Variants in ADGRB1 observed in about 807,000 individuals in gnomAD.
ADGRB1 encodes the protein brain-specific angiogenesis inhibitor 1.
In ADGRB1, 36 loss-of-function variants were observed where a neutral mutation model predicts 175.7. The observed-to-expected ratio is 0.20, with a 90% CI of 0.16 to 0.27. ADGRB1 has a LOEUF of 0.27. Ranked by LOEUF, ADGRB1 falls within the 10% of genes least tolerant of loss-of-function variation. ADGRB1 has a pLI of 1.00. For missense variants in ADGRB1, 1,731 were observed against 2,255.3 expected, an observed-to-expected ratio of 0.77 and a Z score of 4.71; for synonymous variants, 1,054 against 979.4, an observed-to-expected ratio of 1.08 and a Z score of -1.42.
chr8:142,517,456 G>A (rs1327615773), intron 18 of ADGRB1, among the ~76,000 whole-genome samples: 1 of 152,218 alleles, frequency 6.6e-6, no homozygotes, highest in African/African-American at 2.4e-5. Flanking sequence ...TGGCGGGAGA[G>A]GAGCTCACAG....
chr8:142,487,546 G>A (rs905270656), intron 13 of ADGRB1, among the ~76,000 whole-genome samples: 8 of 152,110 alleles, frequency 5.3e-5, no homozygotes, highest in Admixed American at 1.3e-4. Flanking sequence ...TCTCCCTGCC[G>A]CATCTTGGGC....
chr8:142,511,879 G>A lies in ADGRB1; in HGVS notation c.2817+806G>A, dbSNP rs917762849. ...GTGCTCACCAAGTAACCTCCGCCCA[G>A]ACCTCGTGTGGAAGCCTGGGAGGCA... On this transcript the variant is annotated intron_variant, in intron 18 of 30. Coordinates refer to ENST00000517894, the MANE Select transcript of ADGRB1 (RefSeq NM_001702.3). This position sits in a 1 kb window ranked among gnomAD's most constrained non-coding sequence, Gnocchi z 4.5. Among the ~76,000 whole-genome samples the A allele has an allele frequency of 2.0e-5, 3 of 152,270 alleles. No homozygotes were observed. The highest frequency in any genetic ancestry group is 4.4e-5 in the Non-Finnish European group (3 of 68,044).
In ADGRB1 at chr8:142,492,771, C is replaced by T. The variant is rs978238435; in HGVS notation, c.2675+1956C>T. ...GGAAAAAGAAAATGCAAGAAGAAAGCCCCCCTGCTTGCATGACCCAGGCCC... is the reference window on the plus strand; with the variant it reads ...GGAAAAAGAAAATGCAAGAAGAAAGTCCCCCTGCTTGCATGACCCAGGCCC... On this transcript the variant is annotated intron_variant, in intron 17 of 30. Transcript: ENST00000517894. The surrounding 1 kb of genome is among the most constrained non-coding windows in gnomAD (Gnocchi z 4.4). Among the ~76,000 whole-genome samples the T allele has an allele frequency of 1.2e-4, 18 of 152,132 alleles. No individual in the cohort carries two copies. The highest frequency in any genetic ancestry group is 4.3e-4 in the African/African-American group (18 of 41,428).
At chr8:142,476,537 G>T in intron 3 of ADGRB1, 48 bp from the exon 4 acceptor site, 1 of 1,504,694 alleles carries the variant, frequency 6.6e-7, no homozygotes. Context: ...AGAGAGAGAG[G>T]ACGGGGGCAA....
At chr8:142,468,974 C>T (rs1362241003) in intron 2 of ADGRB1, among the ~76,000 whole-genome samples, 1 of 152,172 alleles carries the variant, frequency 6.6e-6, no homozygotes, top group African/African-American at 2.4e-5. Flanking sequence ...AGCAGGCACT[C>T]AGTCAGTCCA....
chr8:142,484,139 C>A lies in ADGRB1; in HGVS notation c.2199+94C>A, dbSNP rs1256092119. On this transcript the variant is annotated intron_variant, in intron 12 of 30. Transcript: ENST00000517894. The stretch of plus-strand genomic sequence containing the variant: ...CTCCAGTCGGCCTGGGGTGGGGTCC[C>A]GCCGGGTGCTCTGGGTTTGGATCTC... The A allele has an allele frequency of 2.7e-6, 3 of 1,099,902 alleles. No individual in the cohort carries two copies. In the African/African-American group the frequency reaches 4.8e-5, roughly 17 times the overall value. 68.1% of individuals were successfully genotyped at this position (1,099,902 alleles called of 1,614,324 possible). A position where few individuals can be genotyped will look rare whatever the true frequency, so the allele number is the denominator to read the frequency against.
chr8:142,528,994 T>C (rs1381325694), intron 24 of ADGRB1, among the ~76,000 whole-genome samples: 1 of 152,222 alleles, frequency 6.6e-6, no homozygotes, highest in Non-Finnish European at 1.5e-5. Context: ...CTGTGGTTTC[T>C]TGCTTCTGGA....
At chr8:142,481,801 G>C (rs535703924) in intron 11 of ADGRB1, 90 bp downstream of exon 11, 1 of 1,166,536 alleles carries the variant, frequency 8.6e-7, no homozygotes. Flanking sequence ...CCCAACCCTG[G>C]CCACAGCCCA....
In ADGRB1 at chr8:142,469,355, ATG is replaced by A. The variant is rs200011482; in HGVS notation, c.784+4376_784+4377del. Among the ~76,000 whole-genome samples, 899 of 135,900 alleles carry A rather than the reference ATG, an allele frequency of 6.6e-3. 8 individuals are homozygous for A. The highest frequency in any genetic ancestry group is 0.024 in the African/African-American group (845 of 35,674). 89.2% of individuals were successfully genotyped at this position (135,900 alleles called of 152,430 possible). A position where few individuals can be genotyped will look rare whatever the true frequency, so the allele number is the denominator to read the frequency against. On this transcript the variant is annotated intron_variant, in intron 2 of 30. Coordinates refer to ENST00000517894, the MANE Select transcript of ADGRB1 (RefSeq NM_001702.3). ...CATGTGTGTGAATGTGGGAGTGTCTATGTGCACGTGCATGTGTGTGAATGTGG... is the reference window on the plus strand; with the variant it reads ...CATGTGTGTGAATGTGGGAGTGTCTATGCACGTGCATGTGTGTGAATGTGG...
rs773419108 is a variant in ADGRB1, at chr8:142,542,284, G to A, written c.4050G>A (p.Thr1350=). 20 of 1,613,190 alleles carry A rather than the reference G, an allele frequency of 1.2e-5. No individual in the cohort carries two copies. The highest frequency in any genetic ancestry group is 4.0e-5 in the African/African-American group (3 of 74,910). Residue 1350 remains threonine, a synonymous_variant, in exon 28 of 31, where the codon ACG becomes ACA. Transcript: ENST00000517894. The surrounding 1 kb of genome is among the most constrained non-coding windows in gnomAD (Gnocchi z 6.3). ...ACACGAGCTACGTGATCCTGCCCAC[G>A]GCCACGGCCACGCTGCGGCCCAAGC... ...ALDTSYVILP[T]ATATLRPKPK...
chr8:142,524,114 C>T (rs531449681), intron 22 of ADGRB1, 124 bp from the exon 23 acceptor site: 49 of 1,071,466 alleles, frequency 4.6e-5, no homozygotes, highest in South Asian at 3.3e-4. Context: ...ATGCCGAAGG[C>T]GCTTAATAAG....
At position 142,526,592 on chromosome 8, in the gene ADGRB1, C is replaced by T. The variant is rs770062634; in HGVS notation, c.3363C>T (p.Asp1121=). 88 of 1,530,716 alleles carry T rather than the reference C, an allele frequency of 5.7e-5. No homozygotes were observed. Among genetic ancestry groups the T allele is most frequent in the Non-Finnish European group, 7.0e-5 (79 of 1,127,448 alleles). The allele number at this position is 1,530,716 out of a possible 1,614,324, so 94.8% of individuals were successfully genotyped here. ...ILVFNKLVSK[D]GITDKKLKER... is the part of the protein sequence containing the mutation. The stretch of plus-strand genomic sequence containing the variant: ...TGTTCAACAAGCTCGTGTCCAAAGA[C>T]GGCATCACGGACAAGAAGCTGAAGG... Residue 1121 remains aspartate (D), a synonymous_variant, in exon 24 of 31, where the codon GAC becomes GAT. Transcript: ENST00000517894.
chr8:142,477,336 G>A (rs1216363947), intron 5 of ADGRB1, 49 bp from the exon 6 acceptor site: 1 of 1,590,040 alleles, frequency 6.3e-7, no homozygotes, highest in Non-Finnish European at 8.5e-7. Context: ...GGCCAGGGCA[G>A]CGGGGGCGGT....
chr8:142,526,665 G>C (rs1844220726), intron 24 of ADGRB1, 38 bp downstream of exon 24: 7 of 1,578,602 alleles, frequency 4.4e-6, no homozygotes, highest in Non-Finnish European at 6.0e-6. Flanking sequence ...CCCACCCGGA[G>C]TGCAAGACCC....
Position 142,542,683 on chromosome 8 carries a change from C to T in ADGRB1, c.4413+36C>T, listed in dbSNP as rs1426550218. On this transcript the variant is annotated intron_variant, in intron 28 of 30. Transcript: ENST00000517894. This position sits in a 1 kb window ranked among gnomAD's most constrained non-coding sequence, Gnocchi z 6.3. ...CAGGGGTGGGCCACACCCCAGCCAG[C>T]GAGGGCAGGGCTGCAGCAGCTGGGT... 10 of 1,505,302 alleles carry T rather than the reference C, an allele frequency of 6.6e-6. No homozygotes were observed. Among genetic ancestry groups the T allele is most frequent in the Middle Eastern group, 1.7e-4 (1 of 5,834 alleles). 93.2% of individuals were successfully genotyped at this position (1,505,302 alleles called of 1,614,324 possible).
intron 18 of ADGRB1, among the ~76,000 whole-genome samples, chr8:142,512,336 G>A (rs1024764088): frequency 1.8e-4 from 28 of 152,238 alleles, no homozygotes; most frequent in African/African-American, 5.8e-4. Flanking sequence ...CATCTCGGAG[G>A]CTCCCTGGAA....
rs1409011398 is a variant in ADGRB1, at chr8:142,510,924, G to A, written c.2676-8G>A. Reference sequence around the variant, plus strand: ...CCTGTCTCCCTCCCGTGTCCCGCCCGCCCCCAGACCCTCCTCCTCCGCCCC... The same window carrying A: ...CCTGTCTCCCTCCCGTGTCCCGCCCACCCCCAGACCCTCCTCCTCCGCCCC... On this transcript the variant is annotated splice_region_variant and splice_polypyrimidine_tract_variant and intron_variant, in intron 17 of 30. Transcript: ENST00000517894. The surrounding 1 kb of genome is among the most constrained non-coding windows in gnomAD (Gnocchi z 6.3). The A allele has an allele frequency of 3.5e-5, 12 of 343,248 alleles. No homozygotes were observed. In the East Asian group the frequency reaches 1.9e-3, roughly 54 times the overall value. 21.3% of individuals were successfully genotyped at this position (343,248 alleles called of 1,614,324 possible).
At chr8:142,544,133 T>C in intron 30 of ADGRB1, 87 bp from the exon 31 acceptor site, 1 of 1,401,370 alleles carries the variant, frequency 7.1e-7, no homozygotes, top group Non-Finnish European at 9.7e-7. Flanking sequence ...TCCTCACTGA[T>C]TCGTGTCTGC....
rs1463639869 is a variant in ADGRB1, at chr8:142,477,928, G to A, written c.1388-259G>A. 4.0e-5 allele frequency among the ~76,000 whole-genome samples: 6 copies of A among 151,130 alleles called. No individual in the cohort carries two copies. The East Asian group carries it at 1.2e-3, about 30-fold the overall frequency. ...CATGTCACAGGCTGGGTGTGGGGTGGTGGCCCCCAGGGTGTTCTCACCCAT... is the reference window on the plus strand; with the variant it reads ...CATGTCACAGGCTGGGTGTGGGGTGATGGCCCCCAGGGTGTTCTCACCCAT... On this transcript the variant is annotated intron_variant, in intron 6 of 30. Coordinates refer to ENST00000517894, the MANE Select transcript of ADGRB1 (RefSeq NM_001702.3).
Sources: allele counts gnomAD v4.1 joint callset (sites outside exome capture counted in the v4.1 genomes callset), GRCh38; gene constraint gnomAD v4.1.1; non-coding constraint Gnocchi (gnomAD v3.1); transcripts MANE v1.5; gene names NCBI Gene and HGNC (gene_info 2026-07-23, HGNC 2026-07-21).